Variants in AIMP2 observed in about 807,000 individuals in gnomAD.
AIMP2 encodes aminoacyl tRNA synthase complex-interacting multifunctional protein 2.
A neutral mutation model predicts 23.4 loss-of-function variants in AIMP2; 20 were observed. That is an observed-to-expected ratio of 0.85 (90% CI 0.60 to 1.24). The LOEUF (loss-of-function observed/expected upper bound fraction) is 1.24. Ranked by LOEUF, AIMP2 falls within the 50% of genes most tolerant of loss-of-function variation. The probability of loss-of-function intolerance (pLI) is 0.00; values close to 1 mark genes in which losing one functional copy is unlikely to be tolerated. For missense variants in AIMP2, 515 were observed against 414.5 expected, an observed-to-expected ratio of 1.24 and a Z score of -2.10; for synonymous variants, 210 against 170.4, an observed-to-expected ratio of 1.23 and a Z score of -1.81.
chr7:6,020,278 C>G (rs1282575938), intron 3 of AIMP2, among the ~76,000 whole-genome samples: 1 of 151,878 alleles, frequency 6.6e-6, no homozygotes, highest in East Asian at 1.9e-4. Context: ...AAAATGAGCT[C>G]AGCATGGTGA....
At position 6,021,873 on chromosome 7, in the gene AIMP2, A is replaced by G. The variant is rs76944336; in HGVS notation, c.575-1430A>G. Among the ~76,000 whole-genome samples the G allele has an allele frequency of 1.7e-4, 26 of 152,286 alleles. No individual in the cohort carries two copies. The East Asian group carries it at 4.8e-3, about 28-fold the overall frequency. On this transcript the variant is annotated intron_variant, in intron 3 of 3. Coordinates refer to ENST00000223029, the MANE Select transcript of AIMP2 (RefSeq NM_006303.4). ...CACACAACTATTTTTAGAGAAATCA[A>G]AAGGCAAAAAGTCAGACAAATTATG... is the stretch of plus-strand genomic sequence containing the variant.
intron 3 of AIMP2, 130 bp from the exon 4 acceptor site, chr7:6,023,173 G>C: frequency 9.1e-7 from 1 of 1,101,348 alleles, no homozygotes; most frequent in South Asian, 1.7e-5. Flanking sequence ...AAAATGTGAT[G>C]TTCTTCTTGA....
At chr7:6,018,968 T>TAAACACACAC (rs111943711) in intron 3 of AIMP2, among the ~76,000 whole-genome samples, 3 of 150,554 alleles carry the variant, frequency 2.0e-5, no homozygotes, top group Non-Finnish European at 4.4e-5. Context: ...TATCAAACCT[T>TAAACACACAC]ACACACACAC....
chr7:6,020,020 C>CAAAA (rs35319543), intron 3 of AIMP2, among the ~76,000 whole-genome samples: 2 of 80,626 alleles, frequency 2.5e-5, no homozygotes, highest in African/African-American at 4.3e-5. Context: ...GACTCCATCT[C>CAAAA]AAAAAAAAAA....
intron 3 of AIMP2, 66 bp from the exon 4 acceptor site, chr7:6,023,237 C>G: frequency 6.6e-7 from 1 of 1,506,840 alleles, no homozygotes; most frequent in South Asian, 1.3e-5. Flanking sequence ...GTCCCCTTCC[C>G]CACTGTGCGA....
At chr7:6,017,733 G>A (rs967086629) in intron 2 of AIMP2, 81 bp from the exon 3 acceptor site, 96 of 1,282,128 alleles carry the variant, frequency 7.5e-5, no homozygotes, top group Non-Finnish European at 9.7e-5. Context: ...AGATAACCCT[G>A]GTTAGGTTCT....
chr7:6,021,711 T>C (rs1268583802), intron 3 of AIMP2, among the ~76,000 whole-genome samples: 3 of 152,176 alleles, frequency 2.0e-5, no homozygotes, highest in Non-Finnish European at 4.4e-5. Context: ...GAAGCCGGGC[T>C]GGAAAACAGA....
At chr7:6,009,624 G>A in intron 1 of AIMP2, 126 bp downstream of exon 1, 5 of 812,786 alleles carry the variant, frequency 6.2e-6, no homozygotes, top group Non-Finnish European at 8.5e-6. Context: ...TGTGCCGGCC[G>A]GCCAGGGACT....
chr7:6,009,974 A>AAAAAAAAATAT, intron 1 of AIMP2, among the ~76,000 whole-genome samples: 1 of 26,662 alleles, frequency 3.8e-5, no homozygotes, highest in Non-Finnish European at 6.8e-5. Context: ...AAAAAAAAAA[A>AAAAAAAAATAT]ATATATATAT....
At chr7:6,018,293 C>T (rs929141294) in intron 3 of AIMP2, among the ~76,000 whole-genome samples, 25 of 150,920 alleles carry the variant, frequency 1.7e-4, no homozygotes, top group African/African-American at 5.4e-4. Flanking sequence ...ATTACAGGCG[C>T]GCACCACCAG....
chr7:6,021,369 G>A (rs1787404560), intron 3 of AIMP2, among the ~76,000 whole-genome samples: 1 of 148,796 alleles, frequency 6.7e-6, no homozygotes, highest in African/African-American at 2.5e-5. Context: ...AGAGAACCCT[G>A]ATTAGAACAT....
chr7:6,023,463 A>G lies in AIMP2; in HGVS notation c.735A>G (p.Lys245=). ...TAGATATTGCGATTTTTCAGTTAAA[A>G]GAGGGAAGCAGTAAAGAAAAAGCCG... ...SWVDIAIFQL[K]EGSSKEKAAV... Residue 245 remains lysine (K), a synonymous_variant, in exon 4 of 4, where the codon AAA becomes AAG. Transcript: ENST00000223029. 1 of 1,614,172 alleles carries G rather than the reference A, an allele frequency of 6.2e-7. No individual in the cohort carries two copies. The highest frequency in any genetic ancestry group is 1.6e-4 in the Middle Eastern group (1 of 6,062).
chr7:6,023,146 A>T (rs926511915), intron 3 of AIMP2, 157 bp from the exon 4 acceptor site: 6 of 843,518 alleles, frequency 7.1e-6, no homozygotes, highest in African/African-American at 1.7e-5. Context: ...AGTAGTAAGC[A>T]TCTTAGAGAC....
intron 1 of AIMP2, 129 bp from the exon 2 acceptor site, chr7:6,015,017 G>C: frequency 6.5e-7 from 1 of 1,534,126 alleles, no homozygotes; most frequent in Non-Finnish European, 8.8e-7. Flanking sequence ...ACCACACCCA[G>C]CCCATAATGT....
chr7:6,017,883 C>T lies in AIMP2; in HGVS notation c.412C>T (p.Leu138=), dbSNP rs536225300. The stretch of plus-strand genomic sequence containing the variant: ...CTCCCCTCCCCTCTCCCTGCTTGTG[C>T]TGCACAGGCTGCTCTGTGAGCACTT... ...PASPPLSLLV[L]HRLLCEHFRV... The change falls in exon 3 of 4, where the codon CTG becomes TTG. Residue 138 remains leucine (L), a synonymous_variant. Transcript: ENST00000223029. 2.5e-6 allele frequency: 4 copies of T among 1,614,138 alleles called. No individual in the cohort carries two copies. In the South Asian group the frequency reaches 4.4e-5, roughly 18 times the overall value.
chr7:6,012,562 T>G (rs1307431410), intron 1 of AIMP2: 8 of 191,534 alleles, frequency 4.2e-5, no homozygotes, highest in African/African-American at 7.0e-5. Context: ...CTGACCGAGG[T>G]TTTTTTTGTT....
At chr7:6,014,344 G>A (rs770042325) in intron 1 of AIMP2, among the ~76,000 whole-genome samples, 14 of 123,068 alleles carry the variant, frequency 1.1e-4, no homozygotes, top group South Asian at 5.9e-4. Flanking sequence ...TGCAACCCCC[G>A]CCTCCCGGGT....
chr7:6,021,361 AG>A (rs1409151507), intron 3 of AIMP2, among the ~76,000 whole-genome samples: 12 of 149,104 alleles, frequency 8.0e-5, no homozygotes, highest in African/African-American at 3.0e-4. Context: ...AAAAAAAAAG[AG>A]AACCCTGATT....
rs572834699 is a variant in AIMP2, at chr7:6,018,515, C to G, written c.574+470C>G. ...GGAGATTTGCAGCAATCTGAAAAAA[C>G]TGGCAGACAAACCGCATAGCCTAGA... On this transcript the variant is annotated intron_variant, in intron 3 of 3. Transcript: ENST00000223029. 6.4e-4 allele frequency among the ~76,000 whole-genome samples: 97 copies of G among 151,362 alleles called. 1 individual carries two copies. The highest frequency in any genetic ancestry group is 3.0e-3 in the South Asian group (14 of 4,740).
Sources: gnomAD v4.1 joint callset for allele counts (sites outside exome capture counted in the v4.1 genomes callset) on GRCh38, gnomAD v4.1.1 for gene constraint, MANE v1.5 for transcripts, NCBI Gene and HGNC (gene_info 2026-07-23, HGNC 2026-07-21) for gene names.